UNC13B: variants seen among roughly 807,000 people sequenced by gnomAD.
The protein encoded by UNC13B is unc-13 homolog B.
In UNC13B, 144 loss-of-function variants were observed where a neutral mutation model predicts 211.0. The observed-to-expected ratio is 0.68, with a 90% CI of 0.60 to 0.78. The LOEUF (loss-of-function observed/expected upper bound fraction) is 0.78. UNC13B is among the 30% of genes least tolerant of loss of function. The pLI is 0.00. For synonymous variants in UNC13B, 709 were observed against 725.8 expected, an observed-to-expected ratio of 0.98 and a Z score of 0.37; for missense variants, 1,777 against 2,002.0, an observed-to-expected ratio of 0.89 and a Z score of 2.14.
chr9:35,334,317 A>G (rs79956891), intron 11 of UNC13B, among the ~76,000 whole-genome samples: 14 of 152,318 alleles, frequency 9.2e-5, no homozygotes, highest in Non-Finnish European at 1.3e-4. Flanking sequence ...TCAGATGTCT[A>G]TTAAAAAATA....
chr9:35,397,147 CTG>C lies in UNC13B; in HGVS notation c.11533-13_11533-12del. 6.2e-7 allele frequency: 1 copy of C among 1,613,040 alleles called. No individual in the cohort carries two copies. Among genetic ancestry groups the C allele is most frequent in the South Asian group, 1.1e-5 (1 of 91,032 alleles). ...AAGATAGCAGCTGTGGATGGTGACC[CTG>C]TGTGTGGTCTTCCTTAGTTCCAGCA... On this transcript the variant is annotated intron_variant, in intron 28 of 39. Transcript: ENST00000635942.
chr9:35,380,264 G>A (rs1225345442), intron 17 of UNC13B, among the ~76,000 whole-genome samples: 2 of 152,186 alleles, frequency 1.3e-5, no homozygotes, highest in Non-Finnish European at 2.9e-5. Context: ...CTGTACAGTG[G>A]TAGATAGAGC....
intron 1 of UNC13B, among the ~76,000 whole-genome samples, chr9:35,203,398 T>C (rs1301649528): frequency 6.6e-6 from 1 of 152,216 alleles, no homozygotes; most frequent in African/African-American, 2.4e-5. Flanking sequence ...AAGGATTTTA[T>C]TTCTCCTTCA....
rs1282400999 is a variant in UNC13B at position 35,247,784 on chromosome 9, A to G, written c.468+4420A>G. On this transcript the variant is annotated intron_variant, in intron 6 of 39. Coordinates refer to ENST00000635942, the MANE Select transcript of UNC13B (RefSeq NM_001371189.2). ...TATTTTATTAAGGATTTTTGCGTCA[A>G]TGTTCATCAGGGATATTGGTCTAAA... Among the ~76,000 whole-genome samples the G allele has an allele frequency of 2.2e-4, 33 of 152,296 alleles. No individual in the cohort carries two copies. The East Asian group carries it at 6.0e-3, about 28-fold the overall frequency.
At position 35,404,117 on chromosome 9, in the gene UNC13B, G is replaced by A. The variant is rs1174913411; in HGVS notation, c.*84G>A. ...GAGTTAGCTGTGTAACCGGCTTAGG[G>A]TCTTTGCAGTCAAGAGGCTGACCCC... On this transcript the variant is annotated 3_prime_UTR_variant, in exon 40 of 40. Transcript: ENST00000635942. The A allele has an allele frequency of 4.0e-6, 6 of 1,517,590 alleles. No homozygotes were observed. Among genetic ancestry groups the A allele is most frequent in the Non-Finnish European group, 5.3e-6 (6 of 1,132,362 alleles). The allele number at this position is 1,517,590 out of a possible 1,614,324, so 94.0% of individuals were successfully genotyped here.
chr9:35,377,769 G>T, intron 16 of UNC13B, 74 bp downstream of exon 16: 5 of 1,449,316 alleles, frequency 3.4e-6, no homozygotes, highest in Non-Finnish European at 4.7e-6. Context: ...AACATCCTGA[G>T]CGTGAGGGAG....
In UNC13B at chr9:35,305,474, A is replaced by G; in HGVS notation, c.6070A>G (p.Ser2024Gly). ...AAGTCCTACTCCTATGGAGCTAGCT[A>G]GCCAGGGTGCTGGGAACTTTCCTGC... ...RSSPTPMELA[S>G]QGAGNFPAAP... is the part of the protein sequence containing the mutation. The change falls in exon 9 of 40, where the codon AGC becomes GGC. Residue 2024 changes from serine to glycine, a missense_variant. Coordinates refer to ENST00000635942, the MANE Select transcript of UNC13B (RefSeq NM_001371189.2). 2.5e-6 allele frequency: 1 copy of G among 399,022 alleles called. No homozygotes were observed. The highest frequency in any genetic ancestry group is 4.4e-6 in the Non-Finnish European group (1 of 226,038). The allele number at this position is 399,022 out of a possible 1,614,324, so 24.7% of individuals were successfully genotyped here. A position where few individuals can be genotyped will look rare whatever the true frequency, so the allele number is the denominator to read the frequency against.
chr9:35,254,907 A>T (rs1302546984), intron 6 of UNC13B, among the ~76,000 whole-genome samples: 1 of 90,230 alleles, frequency 1.1e-5, no homozygotes, highest in Non-Finnish European at 2.4e-5. Context: ...TACGTATATA[A>T]TATATAATAT....
chr9:35,196,946 T>G (rs1261195826), intron 1 of UNC13B, among the ~76,000 whole-genome samples: 2 of 151,878 alleles, frequency 1.3e-5, no homozygotes, highest in African/African-American at 4.8e-5. Flanking sequence ...AATTTTTAAT[T>G]TTTTTGTAGA....
At chr9:35,331,330 C>T (rs1416684048) in intron 11 of UNC13B, among the ~76,000 whole-genome samples, 1 of 152,188 alleles carries the variant, frequency 6.6e-6, no homozygotes, top group Non-Finnish European at 1.5e-5. Flanking sequence ...CTGACTGCAA[C>T]CTCTGCCTCC....
intron 26 of UNC13B, among the ~76,000 whole-genome samples, chr9:35,395,520 A>C (rs889885504): frequency 6.6e-6 from 1 of 152,252 alleles, no homozygotes; most frequent in Non-Finnish European, 1.5e-5. Context: ...AAAGTTGAGC[A>C]ACAAAGTCCC....
At chr9:35,401,792 A>C (rs957707973) in intron 37 of UNC13B, among the ~76,000 whole-genome samples, 2 of 152,160 alleles carry the variant, frequency 1.3e-5, no homozygotes, top group Non-Finnish European at 2.9e-5. Flanking sequence ...CACTGACTGC[A>C]GCTCTTTCAC....
intron 1 of UNC13B, among the ~76,000 whole-genome samples, chr9:35,208,000 G>T (rs72725005): frequency 6.6e-6 from 1 of 152,012 alleles, no homozygotes; most frequent in African/African-American, 2.4e-5. Flanking sequence ...TGTATGTCAT[G>T]TGAGGTTTTT....
chr9:35,394,909 G>A (rs1382074712), intron 26 of UNC13B, among the ~76,000 whole-genome samples: 1 of 152,220 alleles, frequency 6.6e-6, no homozygotes, highest in African/African-American at 2.4e-5. Context: ...AGGGGCCAGA[G>A]TGCAGATAAT....
intron 37 of UNC13B, among the ~76,000 whole-genome samples, chr9:35,402,812 C>T (rs1482796526): frequency 1.3e-5 from 2 of 152,174 alleles, no homozygotes; most frequent in Admixed American, 1.3e-4. Context: ...TTAAGAGACA[C>T]TACCAGGTCA....
intron 3 of UNC13B, 61 bp downstream of exon 3, chr9:35,231,280 T>C: frequency 1.9e-6 from 2 of 1,079,132 alleles, no homozygotes; most frequent in African/African-American, 1.6e-5. Flanking sequence ...GGGAATTGCA[T>C]TGGATGAAAC....
At chr9:35,346,878 A>G (rs749945373) in intron 11 of UNC13B, among the ~76,000 whole-genome samples, 3 of 148,116 alleles carry the variant, frequency 2.0e-5, no homozygotes, top group Non-Finnish European at 4.5e-5. Flanking sequence ...TGGGCCTCTC[A>G]CCTCCTTTCC....
intron 11 of UNC13B, chr9:35,361,818 T>G (rs1400286993): frequency 6.6e-6 from 1 of 152,214 alleles, no homozygotes; most frequent in Non-Finnish European, 1.5e-5. Flanking sequence ...GAGTCATTAG[T>G]ATTTGAACTA....
rs1836559794 is a variant in UNC13B at position 35,404,571 on chromosome 9, G to C, written c.*538G>C. On this transcript the variant is annotated 3_prime_UTR_variant, in exon 40 of 40. Coordinates refer to ENST00000635942, the MANE Select transcript of UNC13B (RefSeq NM_001371189.2). ...TGAGTAGAATCCACTGATTTTCTGT[G>C]GCTCCAGTGAGAACAAGGCTTTGAA... 6.2e-6 allele frequency: 1 copy of C among 160,598 alleles called. No homozygotes were observed. The highest frequency in any genetic ancestry group is 1.8e-4 in the South Asian group (1 of 5,706). The allele number at this position is 160,598 out of a possible 1,614,324, so 9.9% of individuals were successfully genotyped here.
Sources: allele counts gnomAD v4.1 joint callset (sites outside exome capture counted in the v4.1 genomes callset), GRCh38; gene constraint gnomAD v4.1.1; transcripts MANE v1.5; gene names NCBI Gene and HGNC (gene_info 2026-07-23, HGNC 2026-07-21).